Variants in SATB2 observed in about 807,000 individuals in gnomAD.
SATB2 encodes the protein DNA-binding protein SATB2.
Under a neutral mutation model 73.4 loss-of-function variants are expected in SATB2, and 1 was observed. That is an observed-to-expected ratio of 0.01 (90% confidence interval 0.00 to 0.06). The LOEUF (loss-of-function observed/expected upper bound fraction) is 0.06. Ranked by LOEUF, SATB2 falls within the 10% of genes least tolerant of loss-of-function variation. The pLI is 1.00. For missense variants in SATB2, 459 were observed against 945.8 expected (o/e 0.49, Z 6.75); for synonymous variants, 397 against 367.0 (o/e 1.08, Z -0.93).
At position 199,380,610 on chromosome 2, in the gene SATB2, G is replaced by A. The variant is rs1017227444; in HGVS notation, c.474-123C>T. 4.9e-6 allele frequency: 6 copies of A among 1,232,206 alleles called. No homozygotes were observed. In the Admixed American group the frequency reaches 7.2e-5, roughly 15 times the overall value. 76.3% of individuals were successfully genotyped at this position (1,232,206 alleles called of 1,614,324 possible). A position where few individuals can be genotyped will look rare whatever the true frequency, so the allele number is the denominator to read the frequency against. On this transcript the variant is annotated intron_variant, in intron 4 of 10. Coordinates refer to ENST00000417098, the MANE Select transcript of SATB2 (RefSeq NM_001172509.2). ...GCTTCAGAAGAAATGCTAAAGAATG[G>A]GGTCTAAGTGAAGGAAGGGAAGTAA... is the stretch of plus-strand genomic sequence containing the variant.
intron 7 of SATB2, among the ~76,000 whole-genome samples, chr2:199,333,493 G>A (rs34377036): frequency 0.14 from 21,178 of 152,060 alleles, 1,832 homozygotes; most frequent in East Asian, 0.47. Context: ...ATTGGGCAGC[G>A]TGTGAAGCTG....
intron 3 of SATB2, chr2:199,397,920 G>C (rs191531105): frequency 7.5e-6 from 2 of 268,018 alleles, no homozygotes; most frequent in African/African-American, 4.7e-5. Flanking sequence ...TAGTTTAGCA[G>C]AGTGCTATGG....
intron 2 of SATB2, among the ~76,000 whole-genome samples, chr2:199,449,162 A>G (rs371382033): frequency 2.2e-4 from 33 of 148,156 alleles, no homozygotes; most frequent in African/African-American, 6.1e-4. Context: ...TAAAAAGGGG[A>G]AAAAAAATGC....
chr2:199,323,886 T>C lies in SATB2; in HGVS notation c.1459A>G (p.Ile487Val), dbSNP rs763448261. 2.5e-6 allele frequency: 4 copies of C among 1,613,522 alleles called. No individual in the cohort carries two copies. The highest frequency in any genetic ancestry group is 2.5e-6 in the Non-Finnish European group (3 of 1,179,618). The change falls in exon 9 of 11, where the codon ATT becomes GTT. Residue 487 changes from isoleucine to valine, a missense_variant. By Grantham distance (29) the Ile-to-Val change is conservative. This residue lies in a region of SATB2 where 53 missense variants were observed against 70.5 expected (regional missense o/e 0.75). Coordinates refer to ENST00000417098, the MANE Select transcript of SATB2 (RefSeq NM_001172509.2). ...DGANINITAA[I>V]YDEIQQEMKR... ...ATCTCCTGTTGGATCTCGTCATAAA[T>C]GGCAGCTGTGATGTTGATGTTGGCG...
intron 10 of SATB2, among the ~76,000 whole-genome samples, chr2:199,276,691 G>A (rs1467314033): frequency 2.0e-5 from 3 of 151,894 alleles, no homozygotes; most frequent in Admixed American, 1.3e-4. Flanking sequence ...TATATTAATC[G>A]AGCATCTTTC....
At chr2:199,382,166 T>C (rs530425932) in intron 3 of SATB2, among the ~76,000 whole-genome samples, 1 of 151,992 alleles carries the variant, frequency 6.6e-6, no homozygotes, top group African/African-American at 2.4e-5. Flanking sequence ...GCTGATTTCA[T>C]AGACAAAAAA....
At chr2:199,307,988 G>A (rs1687483632) in intron 10 of SATB2, among the ~76,000 whole-genome samples, 2 of 152,188 alleles carry the variant, frequency 1.3e-5, no homozygotes, top group Admixed American at 1.3e-4. Flanking sequence ...AGAGTATTGG[G>A]CAGCAGGCCC....
At chr2:199,460,360 C>T (rs1370638716), upstream of SATB2, 1 of 152,328 alleles carries the variant, frequency 6.6e-6, no homozygotes, top group African/African-American at 2.4e-5. This position sits in a 1 kb window ranked among gnomAD's most constrained non-coding sequence, Gnocchi z 4.0. Context: ...AAGCCAACTA[C>T]CACTGTCAAA....
chr2:199,275,646 A>T (rs577326963), intron 10 of SATB2, among the ~76,000 whole-genome samples: 6 of 152,290 alleles, frequency 3.9e-5, no homozygotes, highest in African/African-American at 1.2e-4. Context: ...GACTAGGAAG[A>T]TGTTTCTCAA....
At chr2:199,360,327 C>A (rs1247557086) in intron 6 of SATB2, among the ~76,000 whole-genome samples, 1 of 152,100 alleles carries the variant, frequency 6.6e-6, no homozygotes, top group Non-Finnish European at 1.5e-5. Context: ...TATTCTGTTT[C>A]TGGGCAGGAC....
rs1250948160 is a variant in SATB2 at position 199,308,380 on chromosome 2, T to TACTTCACAG, written c.1740+371_1740+379dup. The stretch of plus-strand genomic sequence containing the variant: ...CTTTGAGGGATTTTGGATGCAAAAC[T>TACTTCACAG]ACTTCACAGGTTTTTTATAGAAAAT... On this transcript the variant is annotated intron_variant, in intron 10 of 10. Coordinates refer to ENST00000417098, the MANE Select transcript of SATB2 (RefSeq NM_001172509.2). This position sits in a 1 kb window ranked among gnomAD's most constrained non-coding sequence, Gnocchi z 4.6. Among the ~76,000 whole-genome samples the TACTTCACAG allele has an allele frequency of 6.6e-6, 1 of 152,190 alleles. No homozygotes were observed. Among genetic ancestry groups the TACTTCACAG allele is most frequent in the Non-Finnish European group, 1.5e-5 (1 of 68,036 alleles).
intron 6 of SATB2, among the ~76,000 whole-genome samples, chr2:199,356,745 T>C (rs1000132585): frequency 1.3e-5 from 2 of 152,176 alleles, no homozygotes; most frequent in African/African-American, 4.8e-5. Context: ...AAGTGCTTTT[T>C]AATGGATTTT....
At chr2:199,428,662 G>A (rs1402519292) in intron 3 of SATB2, among the ~76,000 whole-genome samples, 2 of 152,172 alleles carry the variant, frequency 1.3e-5, no homozygotes, top group African/African-American at 4.8e-5. Context: ...AATTAAATGA[G>A]TTAGTACATG....
Position 199,308,549 on chromosome 2 carries a change from TACAC to T in SATB2, c.1740+207_1740+210del. On this transcript the variant is annotated intron_variant, in intron 10 of 10. Transcript: ENST00000417098. This position sits in a 1 kb window ranked among gnomAD's most constrained non-coding sequence, Gnocchi z 4.6. ...TCAGTCATTTTTCTTTGTGTGTGCA[TACAC>T]ACACACACACGCACGCACATGCACA... Among the ~76,000 whole-genome samples, 1 of 151,268 alleles carries T rather than the reference TACAC, an allele frequency of 6.6e-6. No homozygotes were observed. The highest frequency in any genetic ancestry group is 2.0e-4 in the East Asian group (1 of 5,112).
chr2:199,442,839 A>ATT (rs1691858903), intron 2 of SATB2, among the ~76,000 whole-genome samples: 1 of 152,188 alleles, frequency 6.6e-6, no homozygotes. Context: ...GGTATGGCAT[A>ATT]TTGTTGAAGT....
chr2:199,404,320 G>T (rs948092873), intron 3 of SATB2, among the ~76,000 whole-genome samples: 5 of 152,158 alleles, frequency 3.3e-5, no homozygotes, highest in Non-Finnish European at 7.3e-5. Context: ...CCTAATGAAT[G>T]ATTATTATGT....
In SATB2 at chr2:199,328,765, C is replaced by T. The variant is rs1251222127; in HGVS notation, c.1319G>A (p.Ser440Asn). 1 of 1,613,936 alleles carries T rather than the reference C, an allele frequency of 6.2e-7. No individual in the cohort carries two copies. Among genetic ancestry groups the T allele is most frequent in the Admixed American group, 1.7e-5 (1 of 60,006 alleles). ...DRIYQDERER[S>N]MNPNVSMVSS... Reference sequence around the variant, plus strand: ...GACCATGCTCACATTGGGATTCATGCTCCGCTCCCTCTCATCCTGGTAGAT... The same window carrying T: ...GACCATGCTCACATTGGGATTCATGTTCCGCTCCCTCTCATCCTGGTAGAT... The change falls in exon 8 of 11, where the codon AGC (serine) becomes AAC (asparagine). Residue 440 changes from serine (S) to asparagine (N), a missense_variant. Ser to Asn is a conservative substitution (Grantham distance 46). Transcript: ENST00000417098.
chr2:199,428,359 A>G (rs1363680030), intron 3 of SATB2, among the ~76,000 whole-genome samples: 1 of 152,216 alleles, frequency 6.6e-6, no homozygotes, highest in African/African-American at 2.4e-5. Context: ...TATAAACATC[A>G]TTATCAAATA....
At chr2:199,372,419 T>C (rs985871334) in intron 5 of SATB2, among the ~76,000 whole-genome samples, 1 of 152,210 alleles carries the variant, frequency 6.6e-6, no homozygotes, top group African/African-American at 2.4e-5. Flanking sequence ...GATTGATCTA[T>C]CTAAAAATAG....
Sources: allele counts gnomAD v4.1 joint callset (sites outside exome capture counted in the v4.1 genomes callset), GRCh38; gene constraint gnomAD v4.1.1; regional missense constraint gnomAD v4.1.1; non-coding constraint Gnocchi (gnomAD v3.1); transcripts MANE v1.5; gene names NCBI Gene and HGNC (gene_info 2026-07-23, HGNC 2026-07-21).